Variants in TMEM178B observed in about 807,000 individuals in gnomAD.
The protein encoded by TMEM178B is transmembrane protein 178B.
A neutral mutation model predicts 31.0 loss-of-function variants in TMEM178B; 5 were observed. The observed-to-expected ratio is 0.16, with a 90% CI of 0.08 to 0.34. The LOEUF is 0.34. Among genes scored for constraint, TMEM178B ranks in the 10% least tolerant of loss-of-function variants. The pLI is 1.00. For missense variants in TMEM178B, 275 were observed against 400.3 expected (o/e 0.69, Z 2.67); for synonymous variants, 164 against 164.0 (o/e 1.00, Z 0.00).
At chr7:141,510,300 A>G in the TMEM178B span, among the ~76,000 whole-genome samples, 2 of 152,174 alleles carry the variant, frequency 1.3e-5, no homozygotes, top group Admixed American at 6.6e-5. Context: ...AGTTGCTAAA[A>G]TAAGTGGAAT....
At chr7:141,178,869 T>C (rs1796473670) in intron 1 of TMEM178B, among the ~76,000 whole-genome samples, 1 of 152,204 alleles carries the variant, frequency 6.6e-6, no homozygotes, top group Non-Finnish European at 1.5e-5. Flanking sequence ...TTTGCTAGAC[T>C]TTTGTCTAGA....
In TMEM178B at chr7:141,415,860, G is replaced by A. The variant is rs180859888; in HGVS notation, c.497-21748G>A. On this transcript the variant is annotated intron_variant, in intron 2 of 3. Coordinates refer to ENST00000565468, the MANE Select transcript of TMEM178B (RefSeq NM_001195278.2). ...GTGAGAGATGTGGATCAGAAGCCCAGGAGAAAGATTGGCACCACTGATGGA... is the reference window on the plus strand; with the variant it reads ...GTGAGAGATGTGGATCAGAAGCCCAAGAGAAAGATTGGCACCACTGATGGA... The A allele has an allele frequency of 7.9e-4, 120 of 152,412 alleles. 2 individuals are homozygous for A. Among genetic ancestry groups the A allele is most frequent in the African/African-American group, 2.8e-3 (115 of 41,568 alleles). The allele number at this position is 152,412 out of a possible 1,614,324, so 9.4% of individuals were successfully genotyped here.
At chr7:141,089,023 G>T (rs906410956) in intron 1 of TMEM178B, among the ~76,000 whole-genome samples, 3 of 152,076 alleles carry the variant, frequency 2.0e-5, no homozygotes, top group Non-Finnish European at 4.4e-5. Context: ...ACCTATTATG[G>T]CCCATGCATT....
chr7:141,206,766 G>T (rs1005687074), intron 1 of TMEM178B, among the ~76,000 whole-genome samples: 1 of 152,086 alleles, frequency 6.6e-6, no homozygotes, highest in African/African-American at 2.4e-5. Context: ...TTTGTAAATT[G>T]CTCTCCCTGT....
rs56316531 is a variant in TMEM178B at position 141,324,416 on chromosome 7, G to GTTTTTTTTT, written c.496+111741_496+111749dup. Among the ~76,000 whole-genome samples, 28 of 85,774 alleles carry GTTTTTTTTT rather than the reference G, an allele frequency of 3.3e-4. 3 individuals are homozygous for GTTTTTTTTT. Among genetic ancestry groups the GTTTTTTTTT allele is most frequent in the African/African-American group, 8.5e-4 (21 of 24,834 alleles). The allele number at this position is 85,774 out of a possible 152,430, so 56.3% of individuals were successfully genotyped here. A position where few individuals can be genotyped will look rare whatever the true frequency, so the allele number is the denominator to read the frequency against. On this transcript the variant is annotated intron_variant, in intron 2 of 3. Transcript: ENST00000565468. The stretch of plus-strand genomic sequence containing the variant: ...TGTGAGAGCAAGAGAGGAGACCAGG[G>GTTTTTTTTT]TTTTTTTTTTTTTTTTTTTTTTTTT...
intron 2 of TMEM178B, among the ~76,000 whole-genome samples, chr7:141,256,259 A>C (rs2191935): frequency 0.43 from 65,940 of 152,034 alleles, 14,533 homozygotes; most frequent in East Asian, 0.67. Context: ...AATTAAAAGA[A>C]GGGATAGGGC....
chr7:141,500,668 T>A, the TMEM178B span, among the ~76,000 whole-genome samples: 1 of 152,202 alleles, frequency 6.6e-6, no homozygotes, highest in African/African-American at 2.4e-5. Context: ...TTATTTTGCA[T>A]GATTTTCTGC....
chr7:141,276,082 T>C (rs1657156200), intron 2 of TMEM178B, among the ~76,000 whole-genome samples: 1 of 152,230 alleles, frequency 6.6e-6, no homozygotes, highest in African/African-American at 2.4e-5. Context: ...CAGATGTTTT[T>C]CCTGAGTATT....
At chr7:141,148,883 T>G (rs1448368852) in intron 1 of TMEM178B, among the ~76,000 whole-genome samples, 1 of 152,154 alleles carries the variant, frequency 6.6e-6, no homozygotes, top group Non-Finnish European at 1.5e-5. Flanking sequence ...AGTGGGTCAT[T>G]TGAATCTTGG....
At chr7:141,295,874 C>T (rs1019921276) in intron 2 of TMEM178B, among the ~76,000 whole-genome samples, 2 of 152,092 alleles carry the variant, frequency 1.3e-5, no homozygotes, top group African/African-American at 4.8e-5. Flanking sequence ...TGAAGACGGC[C>T]CAGCCACAGC....
chr7:141,443,899 C>G (rs1801706391), intron 3 of TMEM178B, among the ~76,000 whole-genome samples: 1 of 152,100 alleles, frequency 6.6e-6, no homozygotes, highest in Non-Finnish European at 1.5e-5. Context: ...GGGTTTAATC[C>G]AATACTACCT....
At chr7:141,494,983 T>A in the TMEM178B span, among the ~76,000 whole-genome samples, 1 of 152,208 alleles carries the variant, frequency 6.6e-6, no homozygotes, top group Non-Finnish European at 1.5e-5. Flanking sequence ...CACCATCACA[T>A]GATTTTCTAT....
At chr7:141,275,226 G>A (rs988504248) in intron 2 of TMEM178B, among the ~76,000 whole-genome samples, 2 of 152,132 alleles carry the variant, frequency 1.3e-5, no homozygotes, top group Non-Finnish European at 2.9e-5. Context: ...AACAACAAAA[G>A]TTCCTATGCC....
chr7:141,157,537 A>C (rs1796092721), intron 1 of TMEM178B, among the ~76,000 whole-genome samples: 1 of 152,016 alleles, frequency 6.6e-6, no homozygotes, highest in South Asian at 2.1e-4. Flanking sequence ...AACAACAACA[A>C]CACGGAGAGA....
chr7:141,473,333 G>A lies in TMEM178B; in HGVS notation c.*2547G>A. 6.6e-6 allele frequency: 1 copy of A among 152,272 alleles called. No individual in the cohort carries two copies. Among genetic ancestry groups the A allele is most frequent in the Non-Finnish European group, 1.5e-5 (1 of 68,030 alleles). The allele number at this position is 152,272 out of a possible 1,614,324, so 9.4% of individuals were successfully genotyped here. On this transcript the variant is annotated 3_prime_UTR_variant, in exon 4 of 4. Coordinates refer to ENST00000565468, the MANE Select transcript of TMEM178B (RefSeq NM_001195278.2). ...AGACAGGTTCACAAGCATCCATTTG[G>A]GGGAGAGGGCTTGTCTATGACCACA...
intron 2 of TMEM178B, among the ~76,000 whole-genome samples, chr7:141,221,077 A>G (rs111468981): frequency 0.02 from 3,088 of 152,308 alleles, 103 homozygotes; most frequent in African/African-American, 0.07. Context: ...TTAAATCAGC[A>G]AGGATTCATT....
intron 1 of TMEM178B, among the ~76,000 whole-genome samples, chr7:141,139,581 G>A (rs370713647): frequency 5.3e-4 from 80 of 152,004 alleles, no homozygotes; most frequent in African/African-American, 1.9e-3. Context: ...GGGCTCAAGC[G>A]ATCGTCTGCC....
chr7:141,461,957 C>T lies in TMEM178B; in HGVS notation c.635-8579C>T, dbSNP rs143219513. 7.4e-4 allele frequency among the ~76,000 whole-genome samples: 112 copies of T among 152,334 alleles called. 2 individuals carry two copies. The highest frequency in any genetic ancestry group is 2.6e-3 in the African/African-American group (109 of 41,586). On this transcript the variant is annotated intron_variant, in intron 3 of 3. Transcript: ENST00000565468. The surrounding 1 kb of genome is among the most constrained non-coding windows in gnomAD (Gnocchi z 4.0). ...GTGGCAAAAATTAGCTGCTCCCCAA[C>T]AGTGCTATCCCTACCTGGCACTTCT...
intron 1 of TMEM178B, among the ~76,000 whole-genome samples, chr7:141,104,345 A>G (rs1393659797): frequency 6.6e-6 from 1 of 152,222 alleles, no homozygotes; most frequent in African/African-American, 2.4e-5. Flanking sequence ...TCTAGAAAAC[A>G]TTCTACTGCC....
Sources: allele counts gnomAD v4.1 joint callset (sites outside exome capture counted in the v4.1 genomes callset), GRCh38; gene constraint gnomAD v4.1.1; non-coding constraint Gnocchi (gnomAD v3.1); transcripts MANE v1.5; gene names NCBI Gene and HGNC (gene_info 2026-07-23, HGNC 2026-07-21).